The following SGCZ variants were observed in gnomAD, a reference collection of about 807,000 sequenced individuals.
The protein encoded by SGCZ is zeta-sarcoglycan.
SGCZ carries 40 observed loss-of-function variants against 41.3 expected under a neutral mutation model. That is an observed-to-expected ratio of 0.97 (90% CI 0.75 to 1.26). The LOEUF is 1.26. Among genes scored for constraint, SGCZ ranks in the 50% most tolerant of loss-of-function variants. SGCZ has a pLI of 0.00. For synonymous variants in SGCZ, 206 were observed against 137.5 expected (o/e 1.50, Z -3.49); for missense variants, 552 against 369.8 (o/e 1.49, Z -4.04).
intron 3 of SGCZ, among the ~76,000 whole-genome samples, chr8:14,277,110 C>A (rs543008592): frequency 4.4e-4 from 67 of 152,304 alleles, no homozygotes; most frequent in African/African-American, 1.6e-3. Context: ...ACATCCTCCA[C>A]TAATAACATA....
intron 2 of SGCZ, among the ~76,000 whole-genome samples, chr8:14,354,962 A>G (rs1219541457): frequency 2.0e-5 from 3 of 151,966 alleles, no homozygotes; most frequent in Admixed American, 2.0e-4. Context: ...CAGTTTTCTT[A>G]GTTCAATATT....
At chr8:14,128,098 C>G (rs533660378) in intron 5 of SGCZ, among the ~76,000 whole-genome samples, 6 of 152,034 alleles carry the variant, frequency 3.9e-5, no homozygotes, top group Non-Finnish European at 8.8e-5. Context: ...CAGATTCTGG[C>G]GAGGTTGTGG....
intron 3 of SGCZ, among the ~76,000 whole-genome samples, chr8:14,291,292 A>T (rs1800832984): frequency 6.6e-6 from 1 of 152,002 alleles, no homozygotes; most frequent in Non-Finnish European, 1.5e-5. Context: ...TAGCTAGAAG[A>T]GGGGTTTTTA....
intron 2 of SGCZ, among the ~76,000 whole-genome samples, chr8:14,452,773 C>T (rs573555651): frequency 6.6e-6 from 1 of 152,022 alleles, no homozygotes; most frequent in African/African-American, 2.4e-5. Flanking sequence ...AAAATTAATT[C>T]AAAAGGCAGG....
At chr8:14,588,110 A>C in intron 1 of SGCZ, among the ~76,000 whole-genome samples, 1 of 152,044 alleles carries the variant, frequency 6.6e-6, no homozygotes, top group East Asian at 1.9e-4. Context: ...AGACTGTTTC[A>C]GGTATATTAG....
intron 1 of SGCZ, among the ~76,000 whole-genome samples, chr8:15,042,252 T>C (rs1055282381): frequency 5.3e-5 from 8 of 152,160 alleles, no homozygotes; most frequent in Non-Finnish European, 1.2e-4. Flanking sequence ...CACCAATGGA[T>C]CAGAAGAAAG....
chr8:15,099,070 A>C (rs1806501506), intron 1 of SGCZ, among the ~76,000 whole-genome samples: 1 of 152,142 alleles, frequency 6.6e-6, no homozygotes, highest in Non-Finnish European at 1.5e-5. Flanking sequence ...AAAAACAAAC[A>C]AACAACAAAA....
At chr8:14,921,744 G>A (rs987400191) in intron 1 of SGCZ, among the ~76,000 whole-genome samples, 1 of 152,080 alleles carries the variant, frequency 6.6e-6, no homozygotes. Context: ...TGACAACTTT[G>A]TGTTTTTTCC....
chr8:15,170,725 T>C (rs1169886740), intron 1 of SGCZ, among the ~76,000 whole-genome samples: 3 of 152,212 alleles, frequency 2.0e-5, no homozygotes, highest in Admixed American at 1.3e-4. Context: ...CTATGCAGTG[T>C]TTTAGTATCT....
chr8:14,483,904 T>A (rs535115392), intron 2 of SGCZ, among the ~76,000 whole-genome samples: 2 of 152,212 alleles, frequency 1.3e-5, no homozygotes, highest in Non-Finnish European at 2.9e-5. Context: ...CCTTTATGTA[T>A]CACCCTAACA....
chr8:14,404,386 G>C (rs1356005174), intron 2 of SGCZ, among the ~76,000 whole-genome samples: 2 of 151,228 alleles, frequency 1.3e-5, no homozygotes, highest in African/African-American at 2.5e-5. Flanking sequence ...CTTTAAAGGA[G>C]ACTGTATTCA....
chr8:14,553,621 C>T (rs1376818615), intron 2 of SGCZ, among the ~76,000 whole-genome samples: 2 of 152,064 alleles, frequency 1.3e-5, no homozygotes, highest in African/African-American at 2.4e-5. Flanking sequence ...CCTGCCCGCA[C>T]AGGCTCCTTG....
At chr8:14,142,536 C>T (rs1028646580) in intron 5 of SGCZ, among the ~76,000 whole-genome samples, 1 of 151,900 alleles carries the variant, frequency 6.6e-6, no homozygotes, top group South Asian at 2.1e-4. Context: ...GAGTCGTTTT[C>T]TGCTCAGTTT....
chr8:15,097,861 T>TATAC (rs1284608042), intron 1 of SGCZ, among the ~76,000 whole-genome samples: 1 of 16,964 alleles, frequency 5.9e-5, no homozygotes, highest in East Asian at 6.9e-3. Context: ...TATATACGTG[T>TATAC]GTGTGTATAT....
chr8:14,240,778 AT>A (rs1227831504), intron 3 of SGCZ, among the ~76,000 whole-genome samples: 2 of 152,190 alleles, frequency 1.3e-5, no homozygotes, highest in Admixed American at 1.3e-4. Flanking sequence ...TGTATTTTAT[AT>A]CAATACCATA....
intron 2 of SGCZ, among the ~76,000 whole-genome samples, chr8:14,376,503 T>C (rs182222637): frequency 6.6e-6 from 1 of 152,054 alleles, no homozygotes; most frequent in Non-Finnish European, 1.5e-5. Context: ...TCATCAGAGA[T>C]AGAAAGCTTA....
chr8:14,909,666 A>G (rs973443115), intron 1 of SGCZ, among the ~76,000 whole-genome samples: 3 of 152,132 alleles, frequency 2.0e-5, no homozygotes, highest in Non-Finnish European at 4.4e-5. Context: ...GAAATATGGG[A>G]ATTTTAATTA....
intron 1 of SGCZ, among the ~76,000 whole-genome samples, chr8:14,781,447 T>TGG (rs1800584914): frequency 3.9e-5 from 6 of 152,108 alleles, no homozygotes; most frequent in African/African-American, 1.4e-4. Context: ...CAGGCTGGTC[T>TGG]CAAACCCCTG....
chr8:15,026,082 T>C (rs1176818131), intron 1 of SGCZ, among the ~76,000 whole-genome samples: 1 of 151,952 alleles, frequency 6.6e-6, no homozygotes, highest in African/African-American at 2.4e-5. Context: ...CTTTTTAGAC[T>C]ATTTACTTTG....
Sources: allele counts gnomAD v4.1 joint callset (sites outside exome capture counted in the v4.1 genomes callset), GRCh38; gene constraint gnomAD v4.1.1; transcripts MANE v1.5; gene names NCBI Gene and HGNC (gene_info 2026-07-23, HGNC 2026-07-21).